NAV1: variants seen among roughly 807,000 people sequenced by gnomAD.
NAV1 encodes neuron navigator 1.
A neutral mutation model predicts 175.2 loss-of-function variants in NAV1; 18 were observed. The observed-to-expected ratio is 0.10, with a 90% confidence interval of 0.07 to 0.15. The LOEUF (loss-of-function observed/expected upper bound fraction) is 0.15. Among genes scored for constraint, NAV1 ranks in the 10% least tolerant of loss-of-function variants. NAV1 has a pLI of 1.00. For synonymous variants in NAV1, 897 were observed against 978.7 expected (o/e 0.92, Z 1.56); for missense variants, 1,731 against 2,436.6 (o/e 0.71, Z 6.10).
Position 201,565,066 on chromosome 1 carries a change from G to A in NAV1, c.-143-23473G>A, listed in dbSNP as rs1383047925. On this transcript the variant is annotated intron_variant, in intron 1 of 33. Coordinates refer to the NAV1 transcript ENST00000685211. ...CTGTGAAGATCCTTTTGCCACTTAC[G>A]GTAACAACTGCAACTTCTGAATAAA... Among the ~76,000 whole-genome samples the A allele has an allele frequency of 3.3e-5, 5 of 152,046 alleles. No homozygotes were observed. The East Asian group carries it at 5.8e-4, about 18-fold the overall frequency.
intron 2 of NAV1, among the ~76,000 whole-genome samples, chr1:201,608,727 T>G (rs1015965303): frequency 7.2e-5 from 11 of 152,054 alleles, no homozygotes; most frequent in Non-Finnish European, 1.5e-4. Context: ...TGGGGTCAGC[T>G]GGGGGAGGAG....
chr1:201,635,033 T>C (rs1161025318), intron 2 of NAV1, among the ~76,000 whole-genome samples: 1 of 151,968 alleles, frequency 6.6e-6, no homozygotes, highest in Non-Finnish European at 1.5e-5. Flanking sequence ...TTTTGTTTTG[T>C]TTTGTTTTGT....
At chr1:201,726,691 A>G (rs1044811842) in intron 3 of NAV1, among the ~76,000 whole-genome samples, 1 of 151,714 alleles carries the variant, frequency 6.6e-6, no homozygotes, top group Admixed American at 6.6e-5. Flanking sequence ...TCTGATCTCC[A>G]TGTAATGTTC....
intron 1 of NAV1, among the ~76,000 whole-genome samples, chr1:201,574,957 T>C (rs772415521): frequency 2.0e-4 from 30 of 152,106 alleles, no homozygotes; most frequent in Non-Finnish European, 3.7e-4. Context: ...GGCCCCACAC[T>C]CTCTAACATG....
intron 3 of NAV1, among the ~76,000 whole-genome samples, chr1:201,728,118 T>TTTTTTC (rs1162390415): frequency 7.2e-5 from 11 of 152,256 alleles, no homozygotes; most frequent in Non-Finnish European, 1.6e-4. Context: ...CACTCCTTCT[T>TTTTTTC]TTTTTCTTTT....
exon 5 of NAV1, chr1:201,781,252 C>T: frequency 6.2e-7 from 1 of 1,613,904 alleles, no homozygotes; most frequent in Non-Finnish European, 8.5e-7. Flanking sequence ...CAAGACCCCA[C>T]CTGTGGCTGT....
chr1:201,765,319 C>T (rs1675131968), intron 3 of NAV1, among the ~76,000 whole-genome samples: 1 of 148,502 alleles, frequency 6.7e-6, no homozygotes, highest in African/African-American at 2.5e-5. Flanking sequence ...ACAGAATGAT[C>T]AAGGTACAGT....
At chr1:201,771,947 A>T (rs1240973191) in intron 3 of NAV1, among the ~76,000 whole-genome samples, 1 of 152,242 alleles carries the variant, frequency 6.6e-6, no homozygotes, top group Non-Finnish European at 1.5e-5. Flanking sequence ...TAAACAAATT[A>T]CTAGTTATTC....
chr1:201,716,279 T>G (rs937869856), intron 2 of NAV1, among the ~76,000 whole-genome samples: 2 of 152,352 alleles, frequency 1.3e-5, no homozygotes, highest in Non-Finnish European at 2.9e-5. Context: ...ATCAAGCACT[T>G]ACTGCACAGG....
At chr1:201,672,359 C>T (rs754575842) in intron 1 of NAV1, among the ~76,000 whole-genome samples, 1 of 152,124 alleles carries the variant, frequency 6.6e-6, no homozygotes, top group African/African-American at 2.4e-5. Flanking sequence ...AAATGAGTTA[C>T]AGCCTGCAAT....
chr1:201,790,634 C>T (rs1282751871), intron 12 of NAV1, 55 bp from the exon 17 acceptor site: 4 of 1,613,876 alleles, frequency 2.5e-6, no homozygotes, highest in South Asian at 1.1e-5. Flanking sequence ...CATTTTCCTT[C>T]CAAATCTTAT....
chr1:201,551,196 C>A (rs1253610052), intron 1 of NAV1, among the ~76,000 whole-genome samples: 1 of 152,118 alleles, frequency 6.6e-6, no homozygotes, highest in African/African-American at 2.4e-5. Flanking sequence ...ACTCCAGGGT[C>A]ATGTATAGCA....
At position 201,740,020 on chromosome 1, in the gene NAV1, G is replaced by T. The variant is rs1474664414; in HGVS notation, c.1226+21265G>T. 1 of 1,488,038 alleles carries T rather than the reference G, an allele frequency of 6.7e-7. No individual in the cohort carries two copies. The highest frequency in any genetic ancestry group is 1.7e-4 in the Middle Eastern group (1 of 5,768). 92.2% of individuals were successfully genotyped at this position (1,488,038 alleles called of 1,614,324 possible). A position where few individuals can be genotyped will look rare whatever the true frequency, so the allele number is the denominator to read the frequency against. On this transcript the variant is annotated intron_variant, in intron 3 of 29. Coordinates refer to ENST00000367296, the Ensembl canonical transcript of NAV1. The surrounding 1 kb of genome is among the most constrained non-coding windows in gnomAD (Gnocchi z 4.7). ...CCGGTGAATGGCCGCCTGAGCCGGG[G>T]AAGATGCTTCATCTGCCCCTGCCCA...
chr1:201,752,887 C>T (rs1039546543), intron 3 of NAV1, among the ~76,000 whole-genome samples: 2 of 152,076 alleles, frequency 1.3e-5, no homozygotes, highest in African/African-American at 4.8e-5. Flanking sequence ...ATTTTTCCCC[C>T]ATGAAGCTTT....
Position 201,808,666 on chromosome 1 carries a change from C to T in NAV1, c.4039-37C>T. On this transcript the variant is annotated intron_variant, in intron 19 of 29. Coordinates refer to ENST00000367296, the Ensembl canonical transcript of NAV1. This position sits in a 1 kb window ranked among gnomAD's most constrained non-coding sequence, Gnocchi z 5.5. ...GGGAAGACCAAGGCTTGCTGTCTGT[C>T]CAGTCTGCCACCCTACCCTGTCTGT... is the stretch of plus-strand genomic sequence containing the variant. 1 of 1,614,224 alleles carries T rather than the reference C, an allele frequency of 6.2e-7. No homozygotes were observed. The highest frequency in any genetic ancestry group is 8.5e-7 in the Non-Finnish European group (1 of 1,180,030).
At chr1:201,570,277 C>T (rs577389319) in intron 1 of NAV1, among the ~76,000 whole-genome samples, 1 of 152,218 alleles carries the variant, frequency 6.6e-6, no homozygotes, top group East Asian at 1.9e-4. Context: ...AAAGATCAAG[C>T]AACTGCCAGG....
At chr1:201,626,406 T>A (rs897977179) in intron 1 of NAV1, among the ~76,000 whole-genome samples, 7 of 152,216 alleles carry the variant, frequency 4.6e-5, no homozygotes, top group Non-Finnish European at 1.0e-4. Flanking sequence ...CTCCAGGGAA[T>A]GAATCTTGCA....
intron 2 of NAV1, among the ~76,000 whole-genome samples, chr1:201,632,426 C>T (rs1368205024): frequency 6.6e-6 from 1 of 152,240 alleles, no homozygotes; most frequent in African/African-American, 2.4e-5. Flanking sequence ...CTGTTGGTGA[C>T]AGCCCAGCAC....
intron 1 of NAV1, among the ~76,000 whole-genome samples, chr1:201,683,548 A>T (rs573438779): frequency 4.3e-5 from 2 of 46,438 alleles, no homozygotes; most frequent in South Asian, 2.5e-3. Context: ...CTGATCTGAC[A>T]GGAGGTGGGG....
Sources: gnomAD v4.1 joint callset for allele counts (sites outside exome capture counted in the v4.1 genomes callset) on GRCh38, gnomAD v4.1.1 for gene constraint, Gnocchi (gnomAD v3.1) non-coding constraint, MANE v1.5 for transcripts, NCBI Gene and HGNC (gene_info 2026-07-23, HGNC 2026-07-21) for gene names.